The following ADGRE2 variants were observed in gnomAD, a reference collection of about 807,000 sequenced individuals.
ADGRE2 encodes CD97 antigen.
ADGRE2 carries 83 observed loss-of-function variants against 100.8 expected under a neutral mutation model. The observed-to-expected ratio is 0.82, with a 90% CI of 0.69 to 0.99. The LOEUF (loss-of-function observed/expected upper bound fraction) is 0.99, where lower values mean the gene tolerates loss of function less well. Ranked by LOEUF, ADGRE2 falls within the 50% of genes least tolerant of loss-of-function variation. ADGRE2 has a pLI of 0.00. For synonymous variants in ADGRE2, 355 were observed against 413.0 expected (o/e 0.86, Z 1.70); for missense variants, 814 against 1,035.7 (o/e 0.79, Z 2.94).
intron 12 of ADGRE2, 21 bp from the exon 13 acceptor site, chr19:14,755,898 T>G (rs1200380365): frequency 1.9e-6 from 3 of 1,603,906 alleles, no homozygotes; most frequent in Non-Finnish European, 2.6e-6. Context: ...AGGCCAAGGT[T>G]GAATCTTGGA....
chr19:14,726,279 A>AG, the ADGRE2 span, among the ~76,000 whole-genome samples: 1 of 152,078 alleles, frequency 6.6e-6, no homozygotes, highest in African/African-American at 2.4e-5. Flanking sequence ...CCGCTAAATC[A>AG]TTCTTTTCTC....
chr19:14,760,053 C>T (rs536905529), intron 11 of ADGRE2, among the ~76,000 whole-genome samples: 5 of 151,610 alleles, frequency 3.3e-5, no homozygotes, highest in South Asian at 4.2e-4. Flanking sequence ...CTCCTGACCT[C>T]GTGATCCTCC....
Position 14,743,402 on chromosome 19 carries a change from A to G in ADGRE2, c.2463+18T>C. The stretch of plus-strand genomic sequence containing the variant: ...TGGGTCGGTTAGTGAAGTGCTCTGG[A>G]GCAATGCGTGATCTTACCGTGCTGG... On this transcript the variant is annotated intron_variant, in intron 20 of 20. Coordinates refer to ENST00000315576, the MANE Select transcript of ADGRE2 (RefSeq NM_013447.4). The G allele has an allele frequency of 6.2e-7, 1 of 1,605,880 alleles. No individual in the cohort carries two copies. Among genetic ancestry groups the G allele is most frequent in the Non-Finnish European group, 8.5e-7 (1 of 1,172,514 alleles).
chr19:14,772,258 C>T (rs1030865329), intron 5 of ADGRE2, 84 bp downstream of exon 5: 5 of 1,580,088 alleles, frequency 3.2e-6, no homozygotes, highest in East Asian at 4.5e-5. Flanking sequence ...ACTTGGGTAC[C>T]TGCTCCCTGG....
rs373939846 is a variant in ADGRE2 at position 14,755,909 on chromosome 19, G to A, written c.1193-32C>T. 6 of 1,579,770 alleles carry A rather than the reference G, an allele frequency of 3.8e-6. No individual in the cohort carries two copies. The African/African-American group carries it at 6.7e-5, about 18-fold the overall frequency. On this transcript the variant is annotated intron_variant, in intron 12 of 20. Transcript: ENST00000315576. ...GGCGAGGCCAAGGTTGAATCTTGGAGTAGGTTGAATCTCTGGGTCCACACC... is the reference window on the plus strand; with the variant it reads ...GGCGAGGCCAAGGTTGAATCTTGGAATAGGTTGAATCTCTGGGTCCACACC...
downstream of ADGRE2, among the ~76,000 whole-genome samples, chr19:14,727,944 C>T (rs1009039851): frequency 2.0e-5 from 3 of 152,142 alleles, no homozygotes; most frequent in Admixed American, 6.5e-5. Flanking sequence ...TATATTTGGC[C>T]AGGTGCGGTG....
chr19:14,762,388 T>C (rs2043758113), intron 11 of ADGRE2, among the ~76,000 whole-genome samples: 1 of 152,142 alleles, frequency 6.6e-6, no homozygotes, highest in South Asian at 2.1e-4. Flanking sequence ...CTAGACTAGA[T>C]GGTCACATAT....
chr19:14,771,272 C>G (rs936477538), intron 5 of ADGRE2, among the ~76,000 whole-genome samples: 1 of 152,126 alleles, frequency 6.6e-6, no homozygotes, highest in Admixed American at 6.6e-5. Context: ...CCCCTGGGAC[C>G]CTTGGCTCAG....
intron 14 of ADGRE2, among the ~76,000 whole-genome samples, chr19:14,752,823 G>A (rs1275473947): frequency 1.3e-5 from 2 of 151,870 alleles, no homozygotes; most frequent in Admixed American, 6.6e-5. Flanking sequence ...CCAGGCTGGA[G>A]TGCAGTGGTG....
chr19:14,736,202 G>A lies in ADGRE2; in HGVS notation c.*34C>T, dbSNP rs769890854. ...TCAAAGATTGTTCAGATTTTCCACG[G>A]GCAAAGAGGGAAGATCTTATTCAGA... is the stretch of plus-strand genomic sequence containing the variant. On this transcript the variant is annotated 3_prime_UTR_variant, in exon 21 of 21. Transcript: ENST00000315576. The A allele has an allele frequency of 7.6e-6, 12 of 1,575,904 alleles. No homozygotes were observed. The highest frequency in any genetic ancestry group is 1.3e-5 in the African/African-American group (1 of 74,198).
downstream of ADGRE2, among the ~76,000 whole-genome samples, chr19:14,728,130 G>A (rs150803246): frequency 7.4e-3 from 1,129 of 152,296 alleles, 15 homozygotes; most frequent in African/African-American, 0.024. Flanking sequence ...GGAGAATGGC[G>A]TGAGCCTGGG....
At position 14,765,343 on chromosome 19, in the gene ADGRE2, C is replaced by A. The variant is rs376655156; in HGVS notation, c.883G>T (p.Gly295Cys). The A allele has an allele frequency of 4.3e-6, 7 of 1,612,764 alleles. No homozygotes were observed. The African/African-American group carries it at 8.1e-5, about 19-fold the overall frequency. ...VQDLGRDYKP[G>C]LANNTIQSIL... ...ACCTGGATGGTGTTATTGGCCAAGC[C>A]TGGCTTGTAGTCTCTGCCCAGGTCC... is the stretch of plus-strand genomic sequence containing the variant. The change falls in exon 10 of 21, where the codon GGC (glycine) becomes TGC (cysteine). Residue 295 changes from glycine to cysteine, a missense_variant. This residue lies in a region of ADGRE2 where 569 missense variants were observed against 692.7 expected (regional missense o/e 0.82). Coordinates refer to ENST00000315576, the MANE Select transcript of ADGRE2 (RefSeq NM_013447.4).
At chr19:14,737,259 C>T (rs2042785419) in intron 20 of ADGRE2, among the ~76,000 whole-genome samples, 2 of 151,566 alleles carry the variant, frequency 1.3e-5, no homozygotes, top group Admixed American at 1.3e-4. Flanking sequence ...ACCATCTCTG[C>T]TCACTGCAAC....
At chr19:14,731,961 T>C (rs925327126), downstream of ADGRE2, 1 of 152,234 alleles carries the variant, frequency 6.6e-6, no homozygotes, top group Non-Finnish European at 1.5e-5. Context: ...GTTTCACTTC[T>C]GCCATGTCCT....
chr19:14,725,046 C>T, the ADGRE2 span, among the ~76,000 whole-genome samples: 16 of 152,294 alleles, frequency 1.1e-4, 2 homozygotes, highest in South Asian at 3.3e-3. Context: ...GCAGGCTCTA[C>T]AAGCATGGCA....
intron 10 of ADGRE2, 75 bp downstream of exon 10, chr19:14,765,245 C>A (rs1266996628): frequency 9.0e-6 from 14 of 1,550,762 alleles, no homozygotes; most frequent in Non-Finnish European, 1.2e-5. Flanking sequence ...CCCTCCCAGA[C>A]CCAAACTGCC....
chr19:14,754,888 G>C, intron 14 of ADGRE2, 66 bp downstream of exon 14: 1 of 1,557,956 alleles, frequency 6.4e-7, no homozygotes, highest in Non-Finnish European at 8.8e-7. Context: ...TTAAAAGGCT[G>C]CTACGTCTCT....
intron 11 of ADGRE2, 113 bp from the exon 12 acceptor site, chr19:14,756,458 A>G (rs1256325014): frequency 2.8e-6 from 2 of 711,932 alleles, no homozygotes; most frequent in Non-Finnish European, 4.9e-6. Flanking sequence ...TGAAGTTACA[A>G]AATATCGGAA....
intron 10 of ADGRE2, 123 bp from the exon 11 acceptor site, chr19:14,764,733 T>A: frequency 9.0e-7 from 1 of 1,111,876 alleles, no homozygotes; most frequent in Non-Finnish European, 1.3e-6. Flanking sequence ...AAGATGGCAT[T>A]GGCGGCTGGG....
Sources: gnomAD v4.1 joint callset for allele counts (sites outside exome capture counted in the v4.1 genomes callset) on GRCh38, gnomAD v4.1.1 for gene constraint, gnomAD v4.1.1 regional missense constraint, MANE v1.5 for transcripts, NCBI Gene and HGNC (gene_info 2026-07-23, HGNC 2026-07-21) for gene names.